Variants in SHISA9 observed in about 807,000 individuals in gnomAD.
The protein encoded by SHISA9 is shisa family member 9.
A neutral mutation model predicts 38.0 loss-of-function variants in SHISA9; 13 were observed. The ratio of observed to expected loss-of-function variants is 0.34; its 90% CI spans 0.22 to 0.54. The LOEUF is 0.54. Among genes scored for constraint, SHISA9 ranks in the 20% least tolerant of loss-of-function variants. The probability of loss-of-function intolerance (pLI) is 0.91; values close to 1 mark genes in which losing one functional copy is unlikely to be tolerated. For missense variants in SHISA9, 538 were observed against 575.8 expected (o/e 0.93, Z 0.67); for synonymous variants, 275 against 242.0 (o/e 1.14, Z -1.27).
At chr16:13,089,183 T>C (rs141832280) in intron 2 of SHISA9, among the ~76,000 whole-genome samples, 2,813 of 152,324 alleles carry the variant, frequency 0.018, 86 homozygotes, top group African/African-American at 0.063. Flanking sequence ...CTTTTTGATG[T>C]GCTGCTGAAT....
chr16:13,107,169 A>G (rs1027794682), intron 2 of SHISA9, among the ~76,000 whole-genome samples: 4 of 152,150 alleles, frequency 2.6e-5, no homozygotes, highest in Non-Finnish European at 5.9e-5. Flanking sequence ...GTGGTGGCTC[A>G]TGCCTATAAT....
At chr16:13,561,144 AGCATGGGCCGCC>A in the SHISA9 span, among the ~76,000 whole-genome samples, 1 of 152,164 alleles carries the variant, frequency 6.6e-6, no homozygotes, top group South Asian at 2.1e-4. Context: ...TGGGATTAAA[AGCATGGGCCGCC>A]GCGCCTGGCC....
chr16:13,479,300 A>C, the SHISA9 span, among the ~76,000 whole-genome samples: 1 of 152,224 alleles, frequency 6.6e-6, no homozygotes, highest in Non-Finnish European at 1.5e-5. Flanking sequence ...TCATGTCTGC[A>C]AAGCCACTTT....
the SHISA9 span, among the ~76,000 whole-genome samples, chr16:13,426,002 G>A: frequency 2.9e-4 from 44 of 152,230 alleles, no homozygotes; most frequent in Middle Eastern, 3.4e-3. Flanking sequence ...GTAAGCTAAC[G>A]AACAGGAAAC....
chr16:13,538,842 A>C, the SHISA9 span, among the ~76,000 whole-genome samples: 1 of 152,308 alleles, frequency 6.6e-6, no homozygotes, highest in African/African-American at 2.4e-5. Flanking sequence ...CAAGAATGGC[A>C]ATCACAGCTC....
At chr16:12,942,184 G>T (rs2071620463) in intron 2 of SHISA9, among the ~76,000 whole-genome samples, 1 of 152,206 alleles carries the variant, frequency 6.6e-6, no homozygotes, top group Non-Finnish European at 1.5e-5. Flanking sequence ...GCACCTCTGT[G>T]CAACCCTTCT....
chr16:13,389,559 C>A, the SHISA9 span, among the ~76,000 whole-genome samples: 1 of 152,108 alleles, frequency 6.6e-6, no homozygotes, highest in Non-Finnish European at 1.5e-5. Context: ...TTTATTGATT[C>A]ACCTACTGAA....
chr16:13,508,235 C>G, the SHISA9 span, among the ~76,000 whole-genome samples: 1 of 152,160 alleles, frequency 6.6e-6, no homozygotes, highest in African/African-American at 2.4e-5. Context: ...TTCCACTTGA[C>G]ATTCTATAAT....
intron 1 of SHISA9, among the ~76,000 whole-genome samples, chr16:12,914,308 T>G (rs958693904): frequency 6.6e-6 from 1 of 152,054 alleles, no homozygotes; most frequent in Non-Finnish European, 1.5e-5. Context: ...CCTCCCAAAG[T>G]GCTGGGATTA....
At chr16:13,507,446 G>A in the SHISA9 span, among the ~76,000 whole-genome samples, 4 of 152,160 alleles carry the variant, frequency 2.6e-5, no homozygotes, top group East Asian at 5.8e-4. Context: ...CTGGAGCAGC[G>A]ATTGTCTAAC....
intron 2 of SHISA9, among the ~76,000 whole-genome samples, chr16:12,996,908 A>G (rs1249778215): frequency 4.6e-5 from 7 of 152,238 alleles, no homozygotes; most frequent in Non-Finnish European, 1.0e-4. Context: ...CCTTTGGGGA[A>G]TAAAACCACT....
At chr16:13,137,549 G>A (rs935984043) in intron 2 of SHISA9, among the ~76,000 whole-genome samples, 2 of 150,334 alleles carry the variant, frequency 1.3e-5, no homozygotes, top group Admixed American at 6.6e-5. Flanking sequence ...TCCGCCTCCC[G>A]GGTTCAAGTG....
intron 2 of SHISA9, among the ~76,000 whole-genome samples, chr16:12,936,973 T>A (rs1229970754): frequency 6.6e-6 from 1 of 152,178 alleles, no homozygotes; most frequent in Non-Finnish European, 1.5e-5. Flanking sequence ...TCCAACACTG[T>A]CTTTTAAGAT....
the SHISA9 span, among the ~76,000 whole-genome samples, chr16:13,507,245 C>CAG: frequency 1.3e-5 from 2 of 151,892 alleles, no homozygotes. Flanking sequence ...CAATGAGACT[C>CAG]AGAGAGTGCA....
chr16:13,398,426 A>G, the SHISA9 span, among the ~76,000 whole-genome samples: 4 of 151,666 alleles, frequency 2.6e-5, no homozygotes, highest in Non-Finnish European at 4.4e-5. Flanking sequence ...GTATATAGGA[A>G]TTTGTTTATT....
At chr16:13,469,302 CAGAG>C in the SHISA9 span, among the ~76,000 whole-genome samples, 86 of 46,660 alleles carry the variant, frequency 1.8e-3, 1 homozygote, top group African/African-American at 6.7e-3. Context: ...GAAAGAAAGA[CAGAG>C]AGAGAGAGAG....
At chr16:13,134,036 T>C (rs1240445668) in intron 2 of SHISA9, among the ~76,000 whole-genome samples, 1 of 152,220 alleles carries the variant, frequency 6.6e-6, no homozygotes, top group Admixed American at 6.5e-5. Context: ...TTGATCTCGA[T>C]ACACTACTGC....
At chr16:12,955,986 GA>G (rs1407614454) in intron 2 of SHISA9, among the ~76,000 whole-genome samples, 5 of 152,136 alleles carry the variant, frequency 3.3e-5, no homozygotes. Context: ...CAGAATGGGA[GA>G]AAATATTTGT....
In SHISA9 at chr16:13,068,365, T is replaced by C. The variant is rs576007135; in HGVS notation, c.692-135029T>C. On this transcript the variant is annotated intron_variant, in intron 2 of 4. Transcript: ENST00000558583. Reference sequence around the variant, plus strand: ...TTGTTTTTACTATTTTTCTATGGGTTTGTGGACCTGAAAATAAAAAGGTTC... The same window carrying C: ...TTGTTTTTACTATTTTTCTATGGGTCTGTGGACCTGAAAATAAAAAGGTTC... Among the ~76,000 whole-genome samples, 8 of 152,326 alleles carry C rather than the reference T, an allele frequency of 5.3e-5. No homozygotes were observed. In the South Asian group the frequency reaches 1.7e-3, roughly 32 times the overall value.
Sources: gnomAD v4.1 joint callset for allele counts (sites outside exome capture counted in the v4.1 genomes callset) on GRCh38, gnomAD v4.1.1 for gene constraint, MANE v1.5 for transcripts, NCBI Gene and HGNC (gene_info 2026-07-23, HGNC 2026-07-21) for gene names.